The following ESF1 variants were observed in gnomAD, a reference collection of about 807,000 sequenced individuals.
ESF1 encodes ESF1 homolog.
Under a neutral mutation model 92.0 loss-of-function variants are expected in ESF1, and 58 were observed. The ratio of observed to expected loss-of-function variants is 0.63; its 90% CI spans 0.51 to 0.78. The LOEUF (loss-of-function observed/expected upper bound fraction) is 0.78, where lower values mean the gene tolerates loss of function less well. Ranked by LOEUF, ESF1 falls within the 30% of genes least tolerant of loss-of-function variation. ESF1 has a pLI of 0.00. For synonymous variants in ESF1, 321 were observed against 313.7 expected (o/e 1.02, Z -0.24); for missense variants, 922 against 989.1 (o/e 0.93, Z 0.91).
chr20:13,733,323 G>C (rs910773592), intron 10 of ESF1, among the ~76,000 whole-genome samples: 1 of 152,206 alleles, frequency 6.6e-6, no homozygotes, highest in African/African-American at 2.4e-5. Flanking sequence ...CAGATGGAAA[G>C]TATGGCATAA....
intron 11 of ESF1, among the ~76,000 whole-genome samples, chr20:13,725,882 A>T (rs1405471564): frequency 6.6e-6 from 1 of 152,242 alleles, no homozygotes; most frequent in Non-Finnish European, 1.5e-5. Context: ...AAGTGATTAT[A>T]CCACAAATGG....
At chr20:13,768,997 G>A (rs1297031204) in intron 7 of ESF1, among the ~76,000 whole-genome samples, 1 of 151,318 alleles carries the variant, frequency 6.6e-6, no homozygotes, top group African/African-American at 2.4e-5. Flanking sequence ...TTGTTACTAA[G>A]CATTAATGTG....
At chr20:13,780,683 G>A (rs1980143505) in intron 2 of ESF1, among the ~76,000 whole-genome samples, 1 of 152,096 alleles carries the variant, frequency 6.6e-6, no homozygotes, top group Non-Finnish European at 1.5e-5. Flanking sequence ...AGACCTCTCG[G>A]CCTATCAAGA....
At chr20:13,762,368 C>A (rs1979237862) in intron 8 of ESF1, among the ~76,000 whole-genome samples, 1 of 152,156 alleles carries the variant, frequency 6.6e-6, no homozygotes, top group East Asian at 1.9e-4. Context: ...TCCCGTAATT[C>A]AATGGATAAA....
At chr20:13,772,080 T>C (rs934193247) in intron 5 of ESF1, among the ~76,000 whole-genome samples, 1 of 151,634 alleles carries the variant, frequency 6.6e-6, no homozygotes. Context: ...TTATTTTCTA[T>C]ATTGCACCAT....
intron 11 of ESF1, among the ~76,000 whole-genome samples, chr20:13,724,682 G>A (rs1291941367): frequency 6.6e-6 from 1 of 152,080 alleles, no homozygotes; most frequent in African/African-American, 2.4e-5. Context: ...TATTTTAAAA[G>A]TCCAGTTATA....
At position 13,739,982 on chromosome 20, in the gene ESF1, C is replaced by T. The variant is rs1050950399; in HGVS notation, c.1829-6140G>A. Among the ~76,000 whole-genome samples, 5 of 152,142 alleles carry T rather than the reference C, an allele frequency of 3.3e-5. No individual in the cohort carries two copies. In the South Asian group the frequency reaches 1.0e-3, roughly 31 times the overall value. On this transcript the variant is annotated intron_variant, in intron 9 of 13. Coordinates refer to ENST00000617257, the MANE Select transcript of ESF1 (RefSeq NM_001276380.2). ...CTTCCCCCACAAATCAGAGAGAACACATGCCTGTTTGGGCTTTGGTTATGG... is the reference window on the plus strand; with the variant it reads ...CTTCCCCCACAAATCAGAGAGAACATATGCCTGTTTGGGCTTTGGTTATGG...
chr20:13,724,392 C>G (rs987239905), intron 11 of ESF1, among the ~76,000 whole-genome samples: 22 of 152,184 alleles, frequency 1.4e-4, no homozygotes, highest in Non-Finnish European at 3.2e-4. Context: ...TACTACAGAT[C>G]CTTATATCTG....
At chr20:13,752,692 T>C (rs142616499) in intron 9 of ESF1, among the ~76,000 whole-genome samples, 1 of 152,326 alleles carries the variant, frequency 6.6e-6, no homozygotes, top group East Asian at 1.9e-4. Flanking sequence ...AATGGCCACA[T>C]ATGCATGTCA....
Position 13,767,678 on chromosome 20 carries a change from G to A in ESF1, c.1519-754C>T, listed in dbSNP as rs183505281. On this transcript the variant is annotated intron_variant, in intron 7 of 13. Transcript: ENST00000617257. The stretch of plus-strand genomic sequence containing the variant: ...GGGGTCCATTTTAAAAAAAGATTAA[G>A]AACCACTGATGAGAAAAGCATCTAT... 1.8e-3 allele frequency among the ~76,000 whole-genome samples: 277 copies of A among 152,126 alleles called. 2 individuals carry two copies. Among genetic ancestry groups the A allele is most frequent in the Middle Eastern group, 0.01 (3 of 294 alleles).
intron 2 of ESF1, among the ~76,000 whole-genome samples, chr20:13,779,438 G>A (rs903408866): frequency 6.6e-6 from 1 of 151,980 alleles, no homozygotes; most frequent in African/African-American, 2.4e-5. Context: ...AAAATAACTG[G>A]TCATATCGTT....
intron 9 of ESF1, among the ~76,000 whole-genome samples, chr20:13,734,326 G>C (rs78021709): frequency 0.052 from 7,927 of 152,152 alleles, 379 homozygotes; most frequent in African/African-American, 0.12. Context: ...TACAGGTTTT[G>C]AACAAAAATT....
At chr20:13,781,277 G>A (rs1266168879) in intron 2 of ESF1, among the ~76,000 whole-genome samples, 2 of 152,088 alleles carry the variant, frequency 1.3e-5, no homozygotes, top group African/African-American at 4.8e-5. Context: ...TATGAAAATA[G>A]TATTAGTATG....
At chr20:13,767,398 G>A (rs1478768872) in intron 7 of ESF1, among the ~76,000 whole-genome samples, 1 of 151,988 alleles carries the variant, frequency 6.6e-6, no homozygotes, top group Non-Finnish European at 1.5e-5. Context: ...GCAGGTGCCT[G>A]TAACCCCAGC....
chr20:13,768,354 G>A (rs541265765), intron 7 of ESF1, among the ~76,000 whole-genome samples: 14 of 152,280 alleles, frequency 9.2e-5, no homozygotes, highest in Admixed American at 2.0e-4. Flanking sequence ...AGGCCAAGGC[G>A]GGTGGATCAC....
rs574090447 is a variant in ESF1 at position 13,760,281 on chromosome 20, C to T, written c.1667-428G>A. Among the ~76,000 whole-genome samples, 7 of 151,006 alleles carry T rather than the reference C, an allele frequency of 4.6e-5. No individual in the cohort carries two copies. The South Asian group carries it at 1.5e-3, about 32-fold the overall frequency. ...GTCTGGAAAGTGAGGAGCGTCTCTGCCCGGCCGTCATCCTATCTAGGAAGT... is the reference window on the plus strand; with the variant it reads ...GTCTGGAAAGTGAGGAGCGTCTCTGTCCGGCCGTCATCCTATCTAGGAAGT... On this transcript the variant is annotated intron_variant, in intron 8 of 13. Coordinates refer to ENST00000617257, the MANE Select transcript of ESF1 (RefSeq NM_001276380.2).
chr20:13,777,262 G>T (rs908321889), intron 2 of ESF1, among the ~76,000 whole-genome samples: 31 of 152,152 alleles, frequency 2.0e-4, no homozygotes, highest in African/African-American at 7.0e-4. Flanking sequence ...AATAATTACC[G>T]ACTGGAGATT....
At chr20:13,770,217 T>C (rs1261855490) in intron 6 of ESF1, among the ~76,000 whole-genome samples, 196 bp from the exon 7 acceptor site, 1 of 152,212 alleles carries the variant, frequency 6.6e-6, no homozygotes, top group Non-Finnish European at 1.5e-5. Flanking sequence ...ATTCATAAGC[T>C]ATAACTCTGT....
At position 13,782,963 on chromosome 20, in the gene ESF1, T is replaced by TG; in HGVS notation, c.177dup (p.Ile60HisfsTer2). On this transcript the variant is annotated frameshift_variant, in exon 2 of 14. Transcript: ENST00000617257. LOFTEE classifies it high-confidence loss of function. ...AAATCCTCTGTAGTGCTATGGCTAA[T>TG]GGGGCGCCCTCTTTTATCCACGGCA... 6.2e-7 allele frequency: 1 copy of TG among 1,614,200 alleles called. No individual in the cohort carries two copies. The highest frequency in any genetic ancestry group is 8.5e-7 in the Non-Finnish European group (1 of 1,180,032).
Sources: allele counts gnomAD v4.1 joint callset (sites outside exome capture counted in the v4.1 genomes callset), GRCh38; gene constraint gnomAD v4.1.1; transcripts MANE v1.5; gene names NCBI Gene and HGNC (gene_info 2026-07-23, HGNC 2026-07-21).